LRP1B: variants seen among roughly 807,000 people sequenced by gnomAD.
LRP1B encodes the protein low-density lipoprotein receptor-related protein 1B.
A neutral mutation model predicts 556.6 loss-of-function variants in LRP1B; 217 were observed. The ratio of observed to expected loss-of-function variants is 0.39; its 90% CI spans 0.35 to 0.44. LRP1B has a LOEUF of 0.44. Among genes scored for constraint, LRP1B ranks in the 20% least tolerant of loss-of-function variants. The probability of loss-of-function intolerance (pLI) is 1.00; values close to 1 mark genes in which losing one functional copy is unlikely to be tolerated. For synonymous variants in LRP1B, 2,047 were observed against 1,865.8 expected (o/e 1.10, Z -2.50); for missense variants, 5,053 against 5,620.8 (o/e 0.90, Z 3.23).
chr2:141,902,161 G>A (rs1170475340), intron 1 of LRP1B, among the ~76,000 whole-genome samples: 2 of 150,766 alleles, frequency 1.3e-5, no homozygotes, highest in African/African-American at 2.4e-5. Context: ...TTTTTTACAG[G>A]GAATATACAT....
At chr2:140,499,415 A>G (rs1689086096) in intron 55 of LRP1B, among the ~76,000 whole-genome samples, 1 of 151,802 alleles carries the variant, frequency 6.6e-6, no homozygotes, top group South Asian at 2.1e-4. Context: ...AATGTATCAC[A>G]TAGAACAAAC....
intron 2 of LRP1B, among the ~76,000 whole-genome samples, chr2:141,758,947 A>G (rs888470903): frequency 1.3e-5 from 2 of 152,168 alleles, no homozygotes; most frequent in African/African-American, 4.8e-5. Context: ...CAAATGTTCA[A>G]ATAGTAAGAT....
At chr2:140,699,154 T>C (rs1396390295) in intron 41 of LRP1B, among the ~76,000 whole-genome samples, 2 of 152,092 alleles carry the variant, frequency 1.3e-5, no homozygotes, top group Admixed American at 1.3e-4. Context: ...TGGATAGCTA[T>C]AGTTTAGTTA....
chr2:141,837,403 C>T (rs997463285), intron 1 of LRP1B, among the ~76,000 whole-genome samples: 1 of 151,964 alleles, frequency 6.6e-6, no homozygotes, highest in African/African-American at 2.4e-5. Context: ...TCCTCGAACT[C>T]ATTCCATTTT....
At chr2:140,522,633 T>C (rs577311791) in intron 49 of LRP1B, among the ~76,000 whole-genome samples, 124 of 151,368 alleles carry the variant, frequency 8.2e-4, no homozygotes, top group African/African-American at 2.9e-3. Context: ...AAATGCTGGT[T>C]CTTTTAAAGG....
intron 67 of LRP1B, 68 bp from the exon 68 acceptor site, chr2:140,378,354 T>C: frequency 1.2e-6 from 1 of 812,968 alleles, no homozygotes; most frequent in Middle Eastern, 2.3e-4. Context: ...TTATATGACA[T>C]ATGACATGAG....
intron 2 of LRP1B, among the ~76,000 whole-genome samples, chr2:141,787,641 T>G (rs542299315): frequency 6.6e-6 from 1 of 151,936 alleles, no homozygotes; most frequent in African/African-American, 2.4e-5. Context: ...AAGAGAATTT[T>G]CTAACTCTTG....
chr2:140,902,793 C>T, intron 23 of LRP1B, 127 bp downstream of exon 23: 3 of 961,452 alleles, frequency 3.1e-6, no homozygotes, highest in Non-Finnish European at 4.6e-6. Flanking sequence ...TAAAATAACA[C>T]ATTATAGTTA....
intron 2 of LRP1B, among the ~76,000 whole-genome samples, chr2:141,609,710 A>G (rs1325499628): frequency 6.6e-6 from 1 of 152,190 alleles, no homozygotes; most frequent in Non-Finnish European, 1.5e-5. Context: ...TTTATCTTTC[A>G]GACTCCTTTT....
chr2:141,277,418 G>C (rs1454025798), intron 3 of LRP1B, among the ~76,000 whole-genome samples: 1 of 152,114 alleles, frequency 6.6e-6, no homozygotes, highest in African/African-American at 2.4e-5. Flanking sequence ...TCATATGTTT[G>C]TTGGCCACGT....
At chr2:141,977,466 G>A (rs1701918660) in intron 1 of LRP1B, among the ~76,000 whole-genome samples, 1 of 152,082 alleles carries the variant, frequency 6.6e-6, no homozygotes, top group South Asian at 2.1e-4. Context: ...GGAGGCTGAG[G>A]CAGGAGAATT....
rs114680387 is a variant in LRP1B, at chr2:141,187,312, G to A, written c.1013+1109C>T. ...AAAATCAGAACCATTGTGATGATGC[G>A]TCTTAATATTCAATCAGACTTTAAG... On this transcript the variant is annotated intron_variant, in intron 7 of 90. Transcript: ENST00000389484. Among the ~76,000 whole-genome samples the A allele has an allele frequency of 2.9e-3, 437 of 152,144 alleles. 4 individuals are homozygous for A. The highest frequency in any genetic ancestry group is 9.9e-3 in the African/African-American group (411 of 41,538).
intron 37 of LRP1B, among the ~76,000 whole-genome samples, chr2:140,711,801 C>T (rs531859826): frequency 5.3e-5 from 8 of 152,220 alleles, no homozygotes; most frequent in African/African-American, 1.7e-4. Context: ...ATCAATTTAA[C>T]CTCTAAAATA....
At position 140,873,599 on chromosome 2, in the gene LRP1B, G is replaced by T. The variant is rs557787658; in HGVS notation, c.4170-5336C>A. Among the ~76,000 whole-genome samples, 6 of 152,152 alleles carry T rather than the reference G, an allele frequency of 3.9e-5. No homozygotes were observed. The South Asian group carries it at 1.2e-3, about 32-fold the overall frequency. ...TCTCAGTTATAATTTTGCAATGGTA[G>T]TTCCATAATTTTAAATGATGACTAG... On this transcript the variant is annotated intron_variant, in intron 25 of 90. Transcript: ENST00000389484.
intron 1 of LRP1B, among the ~76,000 whole-genome samples, chr2:142,080,396 A>T (rs987004641): frequency 2.0e-5 from 3 of 152,200 alleles, no homozygotes; most frequent in African/African-American, 7.2e-5. Flanking sequence ...CTGTGTTTCT[A>T]TGGAAACTTA....
At chr2:140,852,670 A>G (rs1692495553) in intron 27 of LRP1B, among the ~76,000 whole-genome samples, 1 of 152,160 alleles carries the variant, frequency 6.6e-6, no homozygotes, top group South Asian at 2.1e-4. Context: ...AACTAATTCC[A>G]TGGCTAAGGA....
At chr2:141,718,056 G>T (rs1692672463) in intron 2 of LRP1B, among the ~76,000 whole-genome samples, 1 of 152,188 alleles carries the variant, frequency 6.6e-6, no homozygotes, top group South Asian at 2.1e-4. Flanking sequence ...GAGTTGGTCT[G>T]TGCAATTATC....
At chr2:140,661,663 T>C (rs1685098967) in intron 41 of LRP1B, among the ~76,000 whole-genome samples, 2 of 152,200 alleles carry the variant, frequency 1.3e-5, no homozygotes, top group Middle Eastern at 3.4e-3. Context: ...CAAGATCCAG[T>C]CTCAAAACAA....
intron 43 of LRP1B, among the ~76,000 whole-genome samples, chr2:140,547,675 A>T (rs1450067319): frequency 6.6e-6 from 1 of 151,844 alleles, no homozygotes; most frequent in East Asian, 1.9e-4. Flanking sequence ...CCTTCCTTTT[A>T]TGGATAAATT....
Sources: gnomAD v4.1 joint callset for allele counts (sites outside exome capture counted in the v4.1 genomes callset) on GRCh38, gnomAD v4.1.1 for gene constraint, MANE v1.5 for transcripts, NCBI Gene and HGNC (gene_info 2026-07-23, HGNC 2026-07-21) for gene names.